Variants in EXOG observed in about 807,000 individuals in gnomAD.
EXOG encodes nuclease EXOG, mitochondrial.
EXOG carries 27 observed loss-of-function variants against 25.8 expected under a neutral mutation model. That is an observed-to-expected ratio of 1.05 (90% CI 0.77 to 1.45). The LOEUF (loss-of-function observed/expected upper bound fraction) is 1.45. Ranked by LOEUF, EXOG falls within the 40% of genes most tolerant of loss-of-function variation. The probability of loss-of-function intolerance (pLI) is 0.00; values close to 1 mark genes in which losing one functional copy is unlikely to be tolerated. For synonymous variants in EXOG, 133 were observed against 167.0 expected (o/e 0.80, Z 1.57); for missense variants, 458 against 450.5 (o/e 1.02, Z -0.15).
At position 38,525,991 on chromosome 3, in the gene EXOG, CT is replaced by C. The variant is rs2060860378; in HGVS notation, c.*1631del. 3 of 985,188 alleles carry C rather than the reference CT, an allele frequency of 3.0e-6. No homozygotes were observed. In the South Asian group the frequency reaches 1.4e-4, roughly 46 times the overall value. 61.0% of individuals were successfully genotyped at this position (985,188 alleles called of 1,614,324 possible). A position where few individuals can be genotyped will look rare whatever the true frequency, so the allele number is the denominator to read the frequency against. On this transcript the variant is annotated 3_prime_UTR_variant, in exon 6 of 6. Transcript: ENST00000287675. ...AAAGGTCTGCCCACAAAATCACTAG[CT>C]TATTATTTGCTTCCTGTGTGCCTGC...
chr3:38,510,933 T>C (rs750635314), intron 5 of EXOG, among the ~76,000 whole-genome samples: 1 of 152,124 alleles, frequency 6.6e-6, no homozygotes, highest in Non-Finnish European at 1.5e-5. Context: ...TGGTCTTAGG[T>C]ATTCTCTTTC....
At chr3:38,496,988 T>C (rs1240596693) in intron 1 of EXOG, 6 of 1,062,854 alleles carry the variant, frequency 5.6e-6, no homozygotes, top group Non-Finnish European at 6.9e-6. Flanking sequence ...TTAACTGCCC[T>C]TCTTTCGTCA....
chr3:38,498,085 T>C, intron 2 of EXOG: 1 of 279,312 alleles, frequency 3.6e-6, no homozygotes, highest in Non-Finnish European at 6.7e-6. Flanking sequence ...CTGCTATGTG[T>C]CTGGCACTGT....
chr3:38,511,084 G>A (rs2060355337), intron 5 of EXOG, among the ~76,000 whole-genome samples: 1 of 152,172 alleles, frequency 6.6e-6, no homozygotes, highest in African/African-American at 2.4e-5. Flanking sequence ...TCATGTGGGA[G>A]GAAGGTATAC....
chr3:38,503,666 GATA>G lies in EXOG; in HGVS notation c.511_513del (p.Asn171del). 2 of 1,602,956 alleles carry G rather than the reference GATA, an allele frequency of 1.2e-6. No individual in the cohort carries two copies. The highest frequency in any genetic ancestry group is 1.1e-5 in the South Asian group (1 of 90,786). On this transcript the variant is annotated inframe_deletion, in exon 4 of 6. Transcript: ENST00000287675. ...TTCTAACATTGTGCCTCAGGATTTT[GATA>G]ATAATTCTGGATATTGGAACAGGTG...
At position 38,524,545 on chromosome 3, in the gene EXOG, T is replaced by C. The variant is rs895081192; in HGVS notation, c.*183T>C. 7 of 1,297,044 alleles carry C rather than the reference T, an allele frequency of 5.4e-6. No individual in the cohort carries two copies. In the African/African-American group the frequency reaches 9.0e-5, roughly 17 times the overall value. The allele number at this position is 1,297,044 out of a possible 1,614,324, so 80.3% of individuals were successfully genotyped here. Reference sequence around the variant, plus strand: ...ATCATAGCTCACTATAGCCTCAAACTTCTGGGCTTAAGCAATCCTCCTGCC... The same window carrying C: ...ATCATAGCTCACTATAGCCTCAAACCTCTGGGCTTAAGCAATCCTCCTGCC... On this transcript the variant is annotated 3_prime_UTR_variant, in exon 6 of 6. Coordinates refer to ENST00000287675, the MANE Select transcript of EXOG (RefSeq NM_005107.4).
rs570388835 is a variant in EXOG at position 38,502,332 on chromosome 3, C to T, written c.453+838C>T. Among the ~76,000 whole-genome samples the T allele has an allele frequency of 6.6e-5, 10 of 152,324 alleles. No individual in the cohort carries two copies. In the South Asian group the frequency reaches 1.7e-3, roughly 25 times the overall value. On this transcript the variant is annotated intron_variant, in intron 3 of 5. Coordinates refer to ENST00000287675, the MANE Select transcript of EXOG (RefSeq NM_005107.4). The stretch of plus-strand genomic sequence containing the variant: ...GTAGTCTTGAACTCCTAGGCTTATA[C>T]GGTCCTCTTTCCTCAGCTTCCCGAC...
At chr3:38,507,543 A>G (rs963763346) in intron 5 of EXOG, among the ~76,000 whole-genome samples, 1 of 152,220 alleles carries the variant, frequency 6.6e-6, no homozygotes, top group Non-Finnish European at 1.5e-5. Flanking sequence ...GTGAGATAAT[A>G]TGCGACTTTC....
intron 3 of EXOG, among the ~76,000 whole-genome samples, chr3:38,502,008 C>T (rs941845710): frequency 6.6e-6 from 1 of 151,776 alleles, no homozygotes; most frequent in African/African-American, 2.4e-5. Flanking sequence ...CTGTAACCTC[C>T]GCCTCCCGGG....
chr3:38,509,088 A>AG (rs1449284894), intron 5 of EXOG, among the ~76,000 whole-genome samples: 1 of 152,176 alleles, frequency 6.6e-6, no homozygotes, highest in Admixed American at 6.5e-5. Flanking sequence ...TAGTCTTAGG[A>AG]GAAAAAAAGG....
At chr3:38,500,531 G>A (rs1213750712) in intron 2 of EXOG, among the ~76,000 whole-genome samples, 1 of 152,194 alleles carries the variant, frequency 6.6e-6, no homozygotes, top group African/African-American at 2.4e-5. Context: ...TTTGGGATCT[G>A]ATACTAAATT....
chr3:38,519,483 T>G (rs2060642320), intron 5 of EXOG: 1 of 152,212 alleles, frequency 6.6e-6, no homozygotes, highest in Non-Finnish European at 1.5e-5. Context: ...ATACTAACCC[T>G]AAAGGGGAGG....
At chr3:38,509,316 G>A (rs905152471) in intron 5 of EXOG, among the ~76,000 whole-genome samples, 8 of 152,110 alleles carry the variant, frequency 5.3e-5, no homozygotes, top group Admixed American at 1.3e-4. Context: ...TGTTTAAAAC[G>A]AAAAATTAAC....
At chr3:38,518,395 T>TGTC (rs1176826039) in intron 5 of EXOG, among the ~76,000 whole-genome samples, 2 of 152,168 alleles carry the variant, frequency 1.3e-5, no homozygotes, top group African/African-American at 2.4e-5. Flanking sequence ...TAAAATGATG[T>TGTC]CCTTTAATTA....
chr3:38,518,460 C>G (rs965900692), intron 5 of EXOG, among the ~76,000 whole-genome samples: 6 of 152,206 alleles, frequency 3.9e-5, no homozygotes, highest in Non-Finnish European at 8.8e-5. Context: ...CTGTTTCTCT[C>G]AAGCAACGAA....
chr3:38,503,648 A>C lies in EXOG; in HGVS notation c.487A>C (p.Ile163Leu). The C allele has an allele frequency of 6.2e-7, 1 of 1,608,036 alleles. No individual in the cohort carries two copies. Residue 163 changes from isoleucine to leucine, a missense_variant, in exon 4 of 6, where the codon ATT becomes CTT. This residue lies in a region of EXOG where 275 missense variants were observed against 230.5 expected (regional missense o/e 1.19). Coordinates refer to ENST00000287675, the MANE Select transcript of EXOG (RefSeq NM_005107.4). ...AMAETFYLSN[I>L]VPQDFDNNSG... ...GGCTGAAACCTTTTACCTTTCTAAC[A>C]TTGTGCCTCAGGATTTTGATAATAA...
chr3:38,501,943 G>C (rs2060057923), intron 3 of EXOG, among the ~76,000 whole-genome samples: 1 of 152,016 alleles, frequency 6.6e-6, no homozygotes, highest in Non-Finnish European at 1.5e-5. Context: ...TATTTTTTGA[G>C]ATGGAGTCTC....
At chr3:38,498,652 T>C (rs2059962302) in intron 2 of EXOG, 2 of 205,692 alleles carry the variant, frequency 9.7e-6, no homozygotes, top group African/African-American at 4.6e-5. Flanking sequence ...TGAACGGAAA[T>C]TACTTAGGCA....
intron 2 of EXOG, among the ~76,000 whole-genome samples, chr3:38,499,224 G>C (rs903410248): frequency 6.6e-6 from 1 of 152,086 alleles, no homozygotes. Context: ...TTTGCTGTGT[G>C]TTCCACATAT....
Sources: allele counts gnomAD v4.1 joint callset (sites outside exome capture counted in the v4.1 genomes callset), GRCh38; gene constraint gnomAD v4.1.1; regional missense constraint gnomAD v4.1.1; transcripts MANE v1.5; gene names NCBI Gene and HGNC (gene_info 2026-07-23, HGNC 2026-07-21).